CIROP: variants seen among roughly 807,000 people sequenced by gnomAD.
CIROP encodes ciliated left-right organizer metallopeptidase.
chr14:23,103,713 A>G, the CIROP span: 1 of 703,050 alleles, frequency 1.4e-6, no homozygotes, highest in East Asian at 2.7e-5. Context: ...ACTCGCACAT[A>G]CAGGAGAAAA....
At chr14:23,104,381 T>G in the CIROP span, 5 of 702,848 alleles carry the variant, frequency 7.1e-6, no homozygotes, top group African/African-American at 7.0e-5. Flanking sequence ...CGACGTGAAC[T>G]CACCTGTGGT....
the CIROP span, chr14:23,104,833 T>C: frequency 4.3e-6 from 3 of 702,612 alleles, no homozygotes; most frequent in African/African-American, 3.5e-5. Context: ...CTCACAGACT[T>C]CTGTGTCTCA....
chr14:23,100,965 A>G, the CIROP span: 1 of 399,016 alleles, frequency 2.5e-6, no homozygotes, highest in Non-Finnish European at 4.4e-6. Flanking sequence ...GAGAGCTGGA[A>G]TAGTGGATCT....
At chr14:23,103,105 C>G in the CIROP span, 2 of 457,488 alleles carry the variant, frequency 4.4e-6, no homozygotes, top group Middle Eastern at 5.6e-4. Context: ...TAGGGTAGCA[C>G]AAGTAGAAGA....
chr14:23,101,929 A>G, the CIROP span: 6 of 701,554 alleles, frequency 8.6e-6, no homozygotes, highest in Non-Finnish European at 1.3e-5. Context: ...ACAGATGAGA[A>G]GGAAAGAGAG....
the CIROP span, chr14:23,102,164 G>T: frequency 5.7e-6 from 4 of 703,048 alleles, no homozygotes; most frequent in Non-Finnish European, 1.0e-5. Flanking sequence ...AAGGCAGCGA[G>T]GGTGATTGGG....
At chr14:23,103,184 TG>T in the CIROP span, 3 of 425,116 alleles carry the variant, frequency 7.1e-6, no homozygotes, top group Non-Finnish European at 1.2e-5. Context: ...GGGATGGCTG[TG>T]GGTGGGGGTA....
the CIROP span, chr14:23,104,422 C>T: frequency 1.7e-5 from 12 of 702,872 alleles, no homozygotes; most frequent in African/African-American, 7.0e-5. Flanking sequence ...CCCCAGACAG[C>T]GTGGCAATAC....
the CIROP span, chr14:23,101,375 G>A: frequency 3.2e-5 from 18 of 563,360 alleles, no homozygotes; most frequent in Non-Finnish European, 5.3e-5. Context: ...GTGCATTGAT[G>A]TAAGTAGCAG....
chr14:23,104,297 A>G, the CIROP span: 5 of 692,926 alleles, frequency 7.2e-6, no homozygotes, highest in East Asian at 8.1e-5. Flanking sequence ...GGCTGCACCT[A>G]TAAGAATGAA....
the CIROP span, chr14:23,102,560 G>A: frequency 1.3e-5 from 9 of 701,428 alleles, no homozygotes; most frequent in Admixed American, 1.8e-4. Flanking sequence ...TAGAAGGAAG[G>A]ACGTTATGAG....
chr14:23,101,977 G>C, the CIROP span: 28 of 701,094 alleles, frequency 4.0e-5, no homozygotes, highest in South Asian at 4.0e-4. Context: ...TTCAGCACCA[G>C]CTATCCTCAC....
chr14:23,102,119 C>G, the CIROP span: 1 of 703,024 alleles, frequency 1.4e-6, no homozygotes, highest in South Asian at 1.5e-5. Flanking sequence ...TCCTCTGCAG[C>G]GCTGTGGTTG....
chr14:23,101,808 G>C, the CIROP span: 2 of 702,788 alleles, frequency 2.8e-6, no homozygotes, highest in Admixed American at 2.0e-5. Context: ...ATCACTGGCA[G>C]CCATACAGTC....
At chr14:23,101,741 G>A in the CIROP span, 2 of 702,942 alleles carry the variant, frequency 2.8e-6, no homozygotes, top group Admixed American at 2.0e-5. Context: ...CCTTGTCCAG[G>A]TGCAGGTAGT....
At chr14:23,103,828 A>G in the CIROP span, 1 of 701,610 alleles carries the variant, frequency 1.4e-6, no homozygotes, top group Admixed American at 2.0e-5. Context: ...TCTGGCAGGG[A>G]GTGAAATGTT....
At chr14:23,101,863 G>A in the CIROP span, 1 of 702,752 alleles carries the variant, frequency 1.4e-6, no homozygotes, top group Non-Finnish European at 2.6e-6. Context: ...GAAGAAGTCT[G>A]AGGAGCCAGT....
At chr14:23,099,536 T>C in the CIROP span, 1 of 411,412 alleles carries the variant, frequency 2.4e-6, no homozygotes, top group Non-Finnish European at 4.4e-6. Context: ...TGCCTAGCCT[T>C]AGTAGATAAA....
the CIROP span, chr14:23,100,844 T>C: frequency 2.5e-6 from 1 of 399,060 alleles, no homozygotes; most frequent in South Asian, 1.3e-4. Flanking sequence ...ATACTCAAGC[T>C]TTTACCTGCC....
Sources: gnomAD v4.1 joint callset for allele counts on GRCh38, gnomAD v4.1.1 for gene constraint, MANE v1.5 for transcripts, NCBI Gene and HGNC (gene_info 2026-07-23, HGNC 2026-07-21) for gene names.